DIAPH2: variants seen among roughly 807,000 people sequenced by gnomAD.
The protein encoded by DIAPH2 is diaphanous related formin 2, also known as protein diaphanous homolog 2.
DIAPH2 carries 35 observed loss-of-function variants against 92.7 expected under a neutral mutation model. The ratio of observed to expected loss-of-function variants is 0.38; its 90% CI spans 0.29 to 0.50. The LOEUF (loss-of-function observed/expected upper bound fraction) is 0.50, where lower values mean the gene tolerates loss of function less well. DIAPH2 is among the 20% of genes least tolerant of loss of function. The pLI is 0.94. For missense variants in DIAPH2, 701 were observed against 819.5 expected (o/e 0.86, Z 1.77); for synonymous variants, 301 against 280.4 (o/e 1.07, Z -0.73).
In DIAPH2 at chrX:96,796,226, C is replaced by T. The variant is rs1440976355; in HGVS notation, c.447+37968C>T. Reference sequence around the variant, plus strand: ...ACGGAGTCTCACTGTATCACTCAGGCTGGAGTGCAGTGGCGTGATCTCAGC... The same window carrying T: ...ACGGAGTCTCACTGTATCACTCAGGTTGGAGTGCAGTGGCGTGATCTCAGC... On this transcript the variant is annotated intron_variant, in intron 4 of 26. Coordinates refer to ENST00000324765, the MANE Select transcript of DIAPH2 (RefSeq NM_006729.5). Among the ~76,000 whole-genome samples, 3 of 111,901 alleles carry T rather than the reference C, an allele frequency of 2.7e-5. No individual in the cohort carries two copies. In the Admixed American group the frequency reaches 2.8e-4, roughly 11 times the overall value.
chrX:97,352,658 A>C (rs1222080231), intron 24 of DIAPH2, among the ~76,000 whole-genome samples: 1 of 108,778 alleles, frequency 9.2e-6, no homozygotes, highest in African/African-American at 3.3e-5. Context: ...TCACGAGGTC[A>C]GGAGATCGAG....
intron 4 of DIAPH2, among the ~76,000 whole-genome samples, chrX:96,770,561 G>T (rs992063504): frequency 9.0e-6 from 1 of 111,644 alleles, no homozygotes; most frequent in African/African-American, 3.3e-5. Context: ...TAGCTGCTTC[G>T]TGATGATAAA....
At chrX:97,033,487 T>C (rs2066390422) in intron 17 of DIAPH2, among the ~76,000 whole-genome samples, 1 of 111,877 alleles carries the variant, frequency 8.9e-6, no homozygotes, top group South Asian at 3.7e-4. Context: ...CTCTCTTCTT[T>C]TGAAAATGGT....
chrX:97,102,706 G>A (rs1013695421), intron 20 of DIAPH2, among the ~76,000 whole-genome samples: 1 of 111,861 alleles, frequency 8.9e-6, no homozygotes, highest in Non-Finnish European at 1.9e-5. Context: ...TTGGGAAGCC[G>A]AGGCGGGAGG....
chrX:96,859,657 T>A (rs938129626), intron 4 of DIAPH2, among the ~76,000 whole-genome samples: 8 of 100,627 alleles, frequency 8.0e-5, no homozygotes, highest in African/African-American at 2.9e-4. Context: ...TTATTTATTT[T>A]TTGAGAGGGA....
intron 23 of DIAPH2, among the ~76,000 whole-genome samples, chrX:97,257,413 T>C (rs1197250902): frequency 9.0e-6 from 1 of 111,691 alleles, no homozygotes; most frequent in Non-Finnish European, 1.9e-5. Flanking sequence ...ACAAAGGGCA[T>C]GAGTAACTGA....
At chrX:97,012,179 T>G (rs1237828805) in intron 17 of DIAPH2, among the ~76,000 whole-genome samples, 1 of 111,554 alleles carries the variant, frequency 9.0e-6, no homozygotes, top group East Asian at 2.8e-4. Context: ...TGGAAAAGCT[T>G]TATAGGACAT....
At position 97,314,603 on chromosome X, in the gene DIAPH2, C is replaced by G. The variant is rs753216171; in HGVS notation, c.2845-33513C>G. Among the ~76,000 whole-genome samples, 9 of 111,914 alleles carry G rather than the reference C, an allele frequency of 8.0e-5. No individual in the cohort carries two copies. The South Asian group carries it at 3.4e-3, about 42-fold the overall frequency. On this transcript the variant is annotated intron_variant, in intron 23 of 26. Coordinates refer to ENST00000324765, the MANE Select transcript of DIAPH2 (RefSeq NM_006729.5). Reference sequence around the variant, plus strand: ...TCTAGAATGAGTTAAAGATAAGAGTCTATACCTTTGCTGTGACTTTATCTT... The same window carrying G: ...TCTAGAATGAGTTAAAGATAAGAGTGTATACCTTTGCTGTGACTTTATCTT...
chrX:96,720,343 T>C (rs190160012), intron 1 of DIAPH2, among the ~76,000 whole-genome samples: 10 of 111,468 alleles, frequency 9.0e-5, no homozygotes, highest in South Asian at 3.8e-4. Flanking sequence ...ATTGTATTTT[T>C]ATTAAAAATA....
At chrX:97,221,549 A>C (rs2067925079) in intron 22 of DIAPH2, among the ~76,000 whole-genome samples, 1 of 111,985 alleles carries the variant, frequency 8.9e-6, no homozygotes, top group African/African-American at 3.2e-5. Flanking sequence ...CAGCTTAATT[A>C]AAAATACTAT....
chrX:96,878,177 T>G (rs1429323249), intron 4 of DIAPH2, among the ~76,000 whole-genome samples: 1 of 112,237 alleles, frequency 8.9e-6, no homozygotes, highest in Non-Finnish European at 1.9e-5. Flanking sequence ...AAATATTTTC[T>G]TGCACCATAT....
chrX:97,047,860 A>C (rs2066495306), intron 17 of DIAPH2, among the ~76,000 whole-genome samples: 3 of 110,400 alleles, frequency 2.7e-5, no homozygotes, highest in African/African-American at 6.6e-5. Flanking sequence ...TCATAATATT[A>C]TGTGGTATAT....
Position 96,751,648 on chromosome X carries a change from TTTTG to T in DIAPH2, c.343-6502_343-6499del, listed in dbSNP as rs1401212050. Reference sequence around the variant, plus strand: ...ATAAATGGTCAACTAGACTTCAGTGTTTTGTTTTTTTTTTTTTTTTTTTGAGACG... The same window carrying T: ...ATAAATGGTCAACTAGACTTCAGTGTTTTTTTTTTTTTTTTTTTTGAGACG... On this transcript the variant is annotated intron_variant, in intron 3 of 26. Transcript: ENST00000324765. Among the ~76,000 whole-genome samples the T allele has an allele frequency of 1.8e-4, 16 of 87,330 alleles. No homozygotes were observed. In the East Asian group the frequency reaches 2.8e-3, roughly 15 times the overall value. The allele number at this position is 87,330 out of a possible 115,157, so 75.8% of individuals were successfully genotyped here. A position where few individuals can be genotyped will look rare whatever the true frequency, so the allele number is the denominator to read the frequency against.
intron 26 of DIAPH2, among the ~76,000 whole-genome samples, chrX:97,580,106 A>G (rs1455164647): frequency 2.7e-5 from 3 of 110,996 alleles, no homozygotes; most frequent in Non-Finnish European, 1.9e-5. Context: ...CAATCATGTC[A>G]TCTGCAAACA....
intron 5 of DIAPH2, among the ~76,000 whole-genome samples, chrX:96,898,486 G>A (rs1316023294): frequency 1.4e-5 from 1 of 73,700 alleles, no homozygotes. Flanking sequence ...GTGATGGTGA[G>A]CATTTATTCA....
rs777385440 is a variant in DIAPH2, at chrX:97,529,824, A to G, written c.3242-69429A>G. ...CAAGAAGCCTAGAGAGAGTACTGGGAAAAAAAAATAGCCAAAGAGAGATTT... is the reference window on the plus strand; with the variant it reads ...CAAGAAGCCTAGAGAGAGTACTGGGGAAAAAAAATAGCCAAAGAGAGATTT... On this transcript the variant is annotated intron_variant, in intron 26 of 26. Coordinates refer to ENST00000324765, the MANE Select transcript of DIAPH2 (RefSeq NM_006729.5). 5.1e-4 allele frequency among the ~76,000 whole-genome samples: 56 copies of G among 110,838 alleles called. No individual in the cohort carries two copies. In the South Asian group the frequency reaches 5.8e-3, roughly 11 times the overall value.
At chrX:96,947,058 C>CACTT (rs2065742384) in intron 14 of DIAPH2, among the ~76,000 whole-genome samples, 1 of 111,380 alleles carries the variant, frequency 9.0e-6, no homozygotes, top group African/African-American at 3.3e-5. Flanking sequence ...TTGGGTAAGC[C>CACTT]ACTTACTCTC....
chrX:97,589,015 A>G (rs1432465025), intron 26 of DIAPH2, among the ~76,000 whole-genome samples: 1 of 77,372 alleles, frequency 1.3e-5, no homozygotes, highest in African/African-American at 4.3e-5. Flanking sequence ...ATATATATAT[A>G]TATATATATA....
intron 15 of DIAPH2, among the ~76,000 whole-genome samples, chrX:96,950,486 C>A (rs1467456384): frequency 1.8e-5 from 2 of 111,374 alleles, no homozygotes; most frequent in Non-Finnish European, 3.8e-5. Flanking sequence ...TTTTCCCTGC[C>A]CCACCCACTG....
Sources: allele counts gnomAD v4.1 joint callset (sites outside exome capture counted in the v4.1 genomes callset), GRCh38; gene constraint gnomAD v4.1.1; transcripts MANE v1.5; gene names NCBI Gene and HGNC (gene_info 2026-07-23, HGNC 2026-07-21).